The following PFDN5 variants were observed in gnomAD, a reference collection of about 807,000 sequenced individuals.
The protein encoded by PFDN5 is c-myc binding protein.
PFDN5 carries 13 observed loss-of-function variants against 21.5 expected under a neutral mutation model. The ratio of observed to expected loss-of-function variants is 0.60; its 90% CI spans 0.39 to 0.96. The LOEUF (loss-of-function observed/expected upper bound fraction) is 0.96. Among genes scored for constraint, PFDN5 ranks in the 40% least tolerant of loss-of-function variants. The pLI is 0.00. For missense variants in PFDN5, 188 were observed against 186.2 expected, an observed-to-expected ratio of 1.01 and a Z score of -0.06; for synonymous variants, 84 against 68.9, an observed-to-expected ratio of 1.22 and a Z score of -1.08.
rs1944178901 is a variant in PFDN5, at chr12:53,298,165, G to T, written c.388+15G>T. ...CATGAAACAGGGTAAGTTTTTCCTG[G>T]GGCACCTCTTGACCCTATCTCCATA... On this transcript the variant is annotated intron_variant, in intron 5 of 5. Coordinates refer to ENST00000334478, the MANE Select transcript of PFDN5 (RefSeq NM_002624.4). The T allele has an allele frequency of 1.3e-6, 2 of 1,525,988 alleles. No homozygotes were observed. The highest frequency in any genetic ancestry group is 2.7e-5 in the African/African-American group (2 of 73,186). 94.5% of individuals were successfully genotyped at this position (1,525,988 alleles called of 1,614,324 possible). A position where few individuals can be genotyped will look rare whatever the true frequency, so the allele number is the denominator to read the frequency against.
chr12:53,297,948 C>T, intron 4 of PFDN5, 24 bp downstream of exon 4: 11 of 1,596,572 alleles, frequency 6.9e-6, no homozygotes, highest in Non-Finnish European at 9.4e-6. Flanking sequence ...TGTGGATGCC[C>T]CTCTAAACAG....
rs574108089 is a variant in PFDN5, at chr12:53,298,506, T to C, written c.388+356T>C. ...CACTCAGGAAGTTTAAAAAGAAAGC[T>C]TGGGCCCATTCCAGATTGACTAAAT... On this transcript the variant is annotated intron_variant, in intron 5 of 5. Transcript: ENST00000334478. 26 of 188,472 alleles carry C rather than the reference T, an allele frequency of 1.4e-4. 1 individual carries two copies. The South Asian group carries it at 2.6e-3, about 19-fold the overall frequency. 11.7% of individuals were successfully genotyped at this position (188,472 alleles called of 1,614,324 possible). A position where few individuals can be genotyped will look rare whatever the true frequency, so the allele number is the denominator to read the frequency against.
In PFDN5 at chr12:53,296,386, A is replaced by C. The variant is rs576878761; in HGVS notation, c.207+111A>C. 7 of 825,174 alleles carry C rather than the reference A, an allele frequency of 8.5e-6. No individual in the cohort carries two copies. In the South Asian group the frequency reaches 1.0e-4, roughly 12 times the overall value. 51.1% of individuals were successfully genotyped at this position (825,174 alleles called of 1,614,324 possible). A position where few individuals can be genotyped will look rare whatever the true frequency, so the allele number is the denominator to read the frequency against. ...TTACTTCAGATTACCCTCTCCTCAC[A>C]ATGATTTTGAGGATACCCTTTTTTT... On this transcript the variant is annotated intron_variant, in intron 3 of 5. Transcript: ENST00000334478.
At chr12:53,296,149 T>C in intron 2 of PFDN5, 95 bp from the exon 3 acceptor site, 3 of 1,077,402 alleles carry the variant, frequency 2.8e-6, no homozygotes, top group Non-Finnish European at 4.2e-6. Context: ...CTTTTCACAC[T>C]GTCTGTGGGT....
At chr12:53,297,326 G>A (rs184085778) in intron 3 of PFDN5, 17 of 155,154 alleles carry the variant, frequency 1.1e-4, no homozygotes, top group Admixed American at 1.9e-4. Flanking sequence ...CTACTCCGGC[G>A]ACTGAGACAG....
At chr12:53,298,488 G>C (rs1944183420) in intron 5 of PFDN5, 4 of 200,712 alleles carry the variant, frequency 2.0e-5, no homozygotes, top group Middle Eastern at 2.3e-3. Context: ...AATCACTCAG[G>C]AAGTTTAAAA....
chr12:53,295,707 G>A, intron 1 of PFDN5, 68 bp downstream of exon 1: 2 of 1,454,506 alleles, frequency 1.4e-6, no homozygotes, highest in South Asian at 1.1e-5. Context: ...TACTTCTCGC[G>A]CCCGGTTCCA....
intron 3 of PFDN5, chr12:53,297,272 T>C (rs564528107): frequency 9.6e-4 from 149 of 154,438 alleles, no homozygotes; most frequent in African/African-American, 3.5e-3. Flanking sequence ...TTACTAAATA[T>C]ACAAAAATTA....
In PFDN5 at chr12:53,296,255, C is replaced by T. The variant is rs1163728766; in HGVS notation, c.187C>T (p.Leu63Phe). Residue 63 changes from leucine (L) to phenylalanine (F), a missense_variant, in exon 3 of 6, where the codon CTC (leucine) becomes TTC (phenylalanine). Coordinates refer to ENST00000334478, the MANE Select transcript of PFDN5 (RefSeq NM_002624.4). ...CATTGCTTTCACAGGGAAAGAATTA[C>T]TCGTCCCACTGACGAGTTCTGTATC... ...LNKSNEGKEL[L>F]VPLTSSMYVP... The T allele has an allele frequency of 6.2e-7, 1 of 1,609,290 alleles. No homozygotes were observed. The highest frequency in any genetic ancestry group is 1.7e-5 in the Admixed American group (1 of 59,666).
At chr12:53,298,017 A>T (rs780444924) in intron 4 of PFDN5, 28 bp from the exon 5 acceptor site, 1 of 1,569,680 alleles carries the variant, frequency 6.4e-7, no homozygotes, top group Non-Finnish European at 8.8e-7. Context: ...GTCTCCTTTT[A>T]GCCCCTTATT....
chr12:53,297,963 G>C (rs758789493), intron 4 of PFDN5, 39 bp downstream of exon 4: 7 of 1,577,548 alleles, frequency 4.4e-6, no homozygotes, highest in Non-Finnish European at 6.1e-6. Context: ...AAACAGGGAA[G>C]GGAAATTCAG....
chr12:53,296,228 T>G lies in PFDN5; in HGVS notation c.176-16T>G, dbSNP rs1012802614. 3.7e-6 allele frequency: 6 copies of G among 1,608,892 alleles called. No individual in the cohort carries two copies. Among genetic ancestry groups the G allele is most frequent in the Non-Finnish European group, 5.1e-6 (6 of 1,176,858 alleles). ...CGCTAACCTTCCCCAGGTGTTTGTC[T>G]TCATTGCTTTCACAGGGAAAGAATT... On this transcript the variant is annotated splice_polypyrimidine_tract_variant and intron_variant, in intron 2 of 5. Transcript: ENST00000334478.
chr12:53,297,488 G>C lies in PFDN5; in HGVS notation c.208-362G>C, dbSNP rs535138641. On this transcript the variant is annotated intron_variant, in intron 3 of 5. Coordinates refer to ENST00000334478, the MANE Select transcript of PFDN5 (RefSeq NM_002624.4). ...CAGGAATTAGCTACTTCATGATTGA[G>C]GGCATTAAGGGAAATGAGGCTGGCT... 4.9e-5 allele frequency: 10 copies of C among 203,652 alleles called. No individual in the cohort carries two copies. In the East Asian group the frequency reaches 1.2e-3, roughly 24 times the overall value. 12.6% of individuals were successfully genotyped at this position (203,652 alleles called of 1,614,324 possible).
chr12:53,296,416 CT>C lies in PFDN5; in HGVS notation c.207+144del. The C allele has an allele frequency of 8.8e-6, 6 of 681,884 alleles. No individual in the cohort carries two copies. The Admixed American group carries it at 1.5e-4, about 17-fold the overall frequency. 42.2% of individuals were successfully genotyped at this position (681,884 alleles called of 1,614,324 possible). On this transcript the variant is annotated intron_variant, in intron 3 of 5. Coordinates refer to ENST00000334478, the MANE Select transcript of PFDN5 (RefSeq NM_002624.4). ...TTTTGAGGATACCCTTTTTTTTTTT[CT>C]TTCTTTTTTGAGACGGAATTTCGCT...
Position 53,299,287 on chromosome 12 carries a change from G to C in PFDN5, c.407G>C (p.Ser136Thr), listed in dbSNP as rs371894075. ...AMKQAVMEMMSQKIQQLTALG... is the reference protein window; with the variant it reads ...AMKQAVMEMMTQKIQQLTALG... Reference sequence around the variant, plus strand: ...TCCACAGCCGTCATGGAAATGATGAGTCAGAAGATTCAGCAGCTCACAGCC... The same window carrying C: ...TCCACAGCCGTCATGGAAATGATGACTCAGAAGATTCAGCAGCTCACAGCC... The change falls in exon 6 of 6, where the codon AGT (serine) becomes ACT (threonine). Residue 136 changes from serine (S) to threonine (T), a missense_variant. Ser to Thr is a moderately conservative substitution (Grantham distance 58). Transcript: ENST00000334478. The C allele has an allele frequency of 5.0e-6, 8 of 1,612,434 alleles. No individual in the cohort carries two copies. In the African/African-American group the frequency reaches 8.0e-5, roughly 16 times the overall value.
intron 3 of PFDN5, chr12:53,297,037 G>A (rs1298449055): frequency 6.5e-6 from 1 of 153,180 alleles, no homozygotes; most frequent in South Asian, 2.0e-4. Context: ...TTATTTGAAT[G>A]AGCAAGTTAT....
chr12:53,296,079 G>A (rs1422573788), intron 2 of PFDN5, 138 bp downstream of exon 2: 1 of 778,262 alleles, frequency 1.3e-6, no homozygotes, highest in Non-Finnish European at 2.2e-6. Context: ...TTTGCATGTT[G>A]CCTGCCTAGA....
At chr12:53,298,499 AG>A (rs1322133576) in intron 5 of PFDN5, 2 of 194,480 alleles carry the variant, frequency 1.0e-5, no homozygotes, top group African/African-American at 4.6e-5. Flanking sequence ...AAGTTTAAAA[AG>A]AAAGCTTGGG....
Position 53,297,728 on chromosome 12 carries a change from T to C in PFDN5, c.208-122T>C. The C allele has an allele frequency of 5.5e-6, 4 of 728,512 alleles. No individual in the cohort carries two copies. The South Asian group carries it at 5.9e-5, about 11-fold the overall frequency. 45.1% of individuals were successfully genotyped at this position (728,512 alleles called of 1,614,324 possible). On this transcript the variant is annotated intron_variant, in intron 3 of 5. Transcript: ENST00000334478. ...GTATTGTTCTAAGGCCTCCAGATTATTCAGTCCTTATGCCTTGTAGCTTTT... is the reference window on the plus strand; with the variant it reads ...GTATTGTTCTAAGGCCTCCAGATTACTCAGTCCTTATGCCTTGTAGCTTTT...
Sources: gnomAD v4.1 joint callset for allele counts on GRCh38, gnomAD v4.1.1 for gene constraint, MANE v1.5 for transcripts, NCBI Gene and HGNC (gene_info 2026-07-23, HGNC 2026-07-21) for gene names.